Variants in MTUS2 observed in about 807,000 individuals in gnomAD.
MTUS2 encodes microtubule associated scaffold protein 2.
MTUS2 carries 40 observed loss-of-function variants against 114.1 expected under a neutral mutation model. That is an observed-to-expected ratio of 0.35 (90% CI 0.27 to 0.46). The LOEUF (loss-of-function observed/expected upper bound fraction) is 0.46, where lower values mean the gene tolerates loss of function less well. MTUS2 is among the 20% of genes least tolerant of loss of function. The pLI is 1.00. For synonymous variants in MTUS2, 688 were observed against 672.0 expected (o/e 1.02, Z -0.37); for missense variants, 1,679 against 1,705.4 (o/e 0.98, Z 0.27).
chr13:29,430,854 A>G (rs1326443755), intron 8 of MTUS2, among the ~76,000 whole-genome samples: 1 of 152,194 alleles, frequency 6.6e-6, no homozygotes. Context: ...CAAATCCCAC[A>G]ACAAAGTTCT....
chr13:29,100,655 T>C, intron 4 of MTUS2, 118 bp from the exon 5 acceptor site: 1 of 1,227,054 alleles, frequency 8.1e-7, no homozygotes, highest in Non-Finnish European at 1.1e-6. Context: ...AATCAAACCT[T>C]GCAAGATTAA....
intron 2 of MTUS2, among the ~76,000 whole-genome samples, chr13:28,911,772 TC>T (rs1416581335): frequency 2.0e-5 from 3 of 152,134 alleles, no homozygotes; most frequent in African/African-American, 7.2e-5. Context: ...GAGCTTTTTT[TC>T]ATATGTTTAT....
intron 6 of MTUS2, among the ~76,000 whole-genome samples, chr13:29,287,184 TATA>T: frequency 6.6e-6 from 1 of 152,342 alleles, no homozygotes; most frequent in Non-Finnish European, 1.5e-5. Context: ...GTCCTTTTCT[TATA>T]ATAATAGTAT....
chr13:29,408,919 G>A (rs1267464752), intron 8 of MTUS2, among the ~76,000 whole-genome samples: 1 of 152,128 alleles, frequency 6.6e-6, no homozygotes, highest in African/African-American at 2.4e-5. Context: ...TTCCTCAGCA[G>A]TGAGAAACTC....
chr13:29,125,263 A>G lies in MTUS2; in HGVS notation c.2644+24293A>G, dbSNP rs146964917. 5.6e-3 allele frequency among the ~76,000 whole-genome samples: 849 copies of G among 152,314 alleles called. 7 individuals carry two copies. The highest frequency in any genetic ancestry group is 0.019 in the African/African-American group (797 of 41,550). The stretch of plus-strand genomic sequence containing the variant: ...GGTGTTTACATCCAATAGTGGTAGC[A>G]TCTTACAAATAAATCTCTTGCATCA... On this transcript the variant is annotated intron_variant, in intron 5 of 15. Transcript: ENST00000612955.
At chr13:29,214,610 C>T (rs1020097398) in intron 5 of MTUS2, among the ~76,000 whole-genome samples, 5 of 152,146 alleles carry the variant, frequency 3.3e-5, no homozygotes, top group African/African-American at 1.2e-4. Context: ...ATTTCTCCTT[C>T]ACTTATGAAG....
chr13:29,283,956 A>G (rs1478329939), intron 6 of MTUS2, among the ~76,000 whole-genome samples: 6 of 152,182 alleles, frequency 3.9e-5, no homozygotes, highest in African/African-American at 4.8e-5. Context: ...ATTCTCATAC[A>G]TTTTTGGTGG....
intron 3 of MTUS2, among the ~76,000 whole-genome samples, chr13:29,030,257 C>T (rs765956578): frequency 6.6e-6 from 1 of 152,132 alleles, no homozygotes; most frequent in Admixed American, 6.5e-5. Context: ...GTGGCTTTGG[C>T]GGTTCTGAGG....
At chr13:29,291,513 C>A (rs1412664729) in intron 6 of MTUS2, among the ~76,000 whole-genome samples, 1 of 152,208 alleles carries the variant, frequency 6.6e-6, no homozygotes, top group Non-Finnish European at 1.5e-5. Flanking sequence ...AGCCACTGGG[C>A]AGACCCTCAG....
At chr13:29,114,007 C>A (rs1890983916) in intron 5 of MTUS2, among the ~76,000 whole-genome samples, 1 of 152,112 alleles carries the variant, frequency 6.6e-6, no homozygotes, top group African/African-American at 2.4e-5. Flanking sequence ...GACACCTCCC[C>A]CTGTCTCTCT....
chr13:29,178,921 T>C (rs1893884877), intron 5 of MTUS2, among the ~76,000 whole-genome samples: 1 of 152,250 alleles, frequency 6.6e-6, no homozygotes, highest in East Asian at 1.9e-4. Context: ...TTAAATGAAG[T>C]AGGGCTCAGC....
chr13:29,229,648 A>T (rs1405610478), intron 5 of MTUS2, among the ~76,000 whole-genome samples: 1 of 152,222 alleles, frequency 6.6e-6, no homozygotes, highest in Non-Finnish European at 1.5e-5. Context: ...GGAAATCTTA[A>T]AGGTATAAAA....
intron 2 of MTUS2, among the ~76,000 whole-genome samples, chr13:28,956,992 G>A (rs529692780): frequency 2.0e-5 from 3 of 152,210 alleles, no homozygotes; most frequent in South Asian, 2.1e-4. Context: ...GTGAGCTGGC[G>A]GGAAGGAAGT....
At chr13:29,055,515 C>G (rs1453210600) in intron 4 of MTUS2, among the ~76,000 whole-genome samples, 1 of 152,082 alleles carries the variant, frequency 6.6e-6, no homozygotes, top group African/African-American at 2.4e-5. Flanking sequence ...TCATCACCCT[C>G]CTCCCACCTT....
At chr13:29,371,353 G>A (rs1342250191) in intron 8 of MTUS2, among the ~76,000 whole-genome samples, 3 of 150,574 alleles carry the variant, frequency 2.0e-5, no homozygotes, top group Admixed American at 6.6e-5. Flanking sequence ...GAGTAGCTGG[G>A]ATTACAGGCG....
intron 5 of MTUS2, among the ~76,000 whole-genome samples, chr13:29,103,703 G>A (rs1167962206): frequency 2.0e-5 from 3 of 152,190 alleles, no homozygotes; most frequent in African/African-American, 7.2e-5. Context: ...TGGCTAAGAC[G>A]TCACTAGGCA....
chr13:29,317,035 C>G (rs1015371827), intron 6 of MTUS2, among the ~76,000 whole-genome samples: 1 of 152,140 alleles, frequency 6.6e-6, no homozygotes, highest in African/African-American at 2.4e-5. Context: ...TCAAAAACCA[C>G]TTGTTCACTC....
At chr13:28,990,841 A>G (rs115240124) in intron 2 of MTUS2, among the ~76,000 whole-genome samples, 2,691 of 152,266 alleles carry the variant, frequency 0.018, 80 homozygotes, top group African/African-American at 0.061. Context: ...CTACTTTTAT[A>G]AGCTGTACCA....
chr13:29,126,439 C>T lies in MTUS2; in HGVS notation c.2644+25469C>T, dbSNP rs956934209. On this transcript the variant is annotated intron_variant, in intron 5 of 15. Coordinates refer to ENST00000612955, the MANE Select transcript of MTUS2 (RefSeq NM_001033602.4). ...AATTCCCATTTTACTGCCACTTACCCCTCTCGCTCTACCTGTCTTTAGCTC... is the reference window on the plus strand; with the variant it reads ...AATTCCCATTTTACTGCCACTTACCTCTCTCGCTCTACCTGTCTTTAGCTC... Among the ~76,000 whole-genome samples, 5 of 152,136 alleles carry T rather than the reference C, an allele frequency of 3.3e-5. No individual in the cohort carries two copies. The South Asian group carries it at 1.0e-3, about 31-fold the overall frequency.
Sources: allele counts gnomAD v4.1 joint callset (sites outside exome capture counted in the v4.1 genomes callset), GRCh38; gene constraint gnomAD v4.1.1; transcripts MANE v1.5; gene names NCBI Gene and HGNC (gene_info 2026-07-23, HGNC 2026-07-21).